The following GMDS variants were observed in gnomAD, a reference collection of about 807,000 sequenced individuals.
GMDS encodes the protein GDP-mannose 4,6-dehydratase.
In GMDS, 20 loss-of-function variants were observed where a neutral mutation model predicts 49.9. The ratio of observed to expected loss-of-function variants is 0.40; its 90% CI spans 0.28 to 0.58. The LOEUF (loss-of-function observed/expected upper bound fraction) is 0.58, where lower values mean the gene tolerates loss of function less well. GMDS is among the 20% of genes least tolerant of loss of function. The pLI is 0.42. For missense variants in GMDS, 362 were observed against 481.4 expected, an observed-to-expected ratio of 0.75 and a Z score of 2.32; for synonymous variants, 177 against 178.6, an observed-to-expected ratio of 0.99 and a Z score of 0.07.
chr6:2,017,108 G>C (rs1225381405), intron 4 of GMDS, among the ~76,000 whole-genome samples: 4 of 152,040 alleles, frequency 2.6e-5, no homozygotes, highest in African/African-American at 9.7e-5. Flanking sequence ...TGAAGCCAAA[G>C]GTAATTTGCT....
At chr6:1,695,204 T>C (rs1019084422) in intron 9 of GMDS, among the ~76,000 whole-genome samples, 1 of 152,190 alleles carries the variant, frequency 6.6e-6, no homozygotes, top group East Asian at 1.9e-4. Flanking sequence ...CTAGGTGACG[T>C]GGAGAATCCT....
intron 7 of GMDS, among the ~76,000 whole-genome samples, chr6:1,786,116 C>T (rs1561804168): frequency 6.6e-6 from 1 of 152,220 alleles, no homozygotes; most frequent in Non-Finnish European, 1.5e-5. Context: ...CGGTGAAGGT[C>T]TTGGAAAGTC....
intron 4 of GMDS, among the ~76,000 whole-genome samples, chr6:2,049,435 T>C (rs1285186450): frequency 1.3e-5 from 2 of 152,214 alleles, no homozygotes; most frequent in African/African-American, 4.8e-5. Context: ...TATAATTAAG[T>C]AGAATATTCT....
chr6:1,760,590 C>T lies in GMDS; in HGVS notation c.772-18004G>A, dbSNP rs1755635802. Among the ~76,000 whole-genome samples the T allele has an allele frequency of 1.3e-5, 2 of 152,166 alleles. 1 individual carries two copies. The highest frequency in any genetic ancestry group is 4.2e-4 in the South Asian group (2 of 4,818). The stretch of plus-strand genomic sequence containing the variant: ...GCCGAGGACCGCCCACCCTTGAGCG[C>T]CTCTAAAGATGGCAGGCTGGGACAT... On this transcript the variant is annotated intron_variant, in intron 7 of 10. Coordinates refer to ENST00000380815, the MANE Select transcript of GMDS (RefSeq NM_001500.4).
intron 9 of GMDS, among the ~76,000 whole-genome samples, chr6:1,694,698 T>C (rs938961933): frequency 6.6e-6 from 1 of 152,250 alleles, no homozygotes; most frequent in Non-Finnish European, 1.5e-5. Flanking sequence ...AATGAGTGTG[T>C]TGGCAGAATG....
intron 1 of GMDS, among the ~76,000 whole-genome samples, chr6:2,141,573 G>A (rs547371229): frequency 3.3e-5 from 5 of 152,246 alleles, no homozygotes; most frequent in Admixed American, 6.5e-5. Flanking sequence ...GAACGCTGAC[G>A]GAGAGTTGGA....
intron 7 of GMDS, among the ~76,000 whole-genome samples, chr6:1,887,171 C>G (rs894271861): frequency 1.3e-5 from 2 of 152,074 alleles, no homozygotes; most frequent in African/African-American, 2.4e-5. Flanking sequence ...TCAATAATAC[C>G]TTTTTGATAA....
intron 4 of GMDS, among the ~76,000 whole-genome samples, chr6:1,999,949 A>ATATT (rs1766580427): frequency 5.5e-5 from 2 of 36,496 alleles, no homozygotes; most frequent in East Asian, 1.1e-3. Context: ...TATAATATAT[A>ATATT]ATATGTATAT....
At chr6:1,641,922 T>C (rs1308778327) in intron 9 of GMDS, among the ~76,000 whole-genome samples, 2 of 152,120 alleles carry the variant, frequency 1.3e-5, no homozygotes, top group East Asian at 3.9e-4. Context: ...ACTTCTTTTG[T>C]CCCAAACAGT....
At chr6:1,694,193 G>T (rs1765263595) in intron 9 of GMDS, among the ~76,000 whole-genome samples, 1 of 152,206 alleles carries the variant, frequency 6.6e-6, no homozygotes, top group Non-Finnish European at 1.5e-5. Flanking sequence ...GCTACGGATT[G>T]TAAGAGGTAC....
intron 9 of GMDS, among the ~76,000 whole-genome samples, chr6:1,697,125 CA>C (rs1561736797): frequency 2.0e-5 from 3 of 152,288 alleles, no homozygotes; most frequent in African/African-American, 7.2e-5. Flanking sequence ...GCCCAAATGC[CA>C]TAAGTGGGCA....
At chr6:1,904,368 TGTGGCC>T (rs1319183736) in intron 7 of GMDS, among the ~76,000 whole-genome samples, 1 of 152,158 alleles carries the variant, frequency 6.6e-6, no homozygotes, top group Non-Finnish European at 1.5e-5. Context: ...GGCTGCTCTG[TGTGGCC>T]GTCTGTCCTT....
At chr6:1,756,519 G>A (rs185070610) in intron 7 of GMDS, among the ~76,000 whole-genome samples, 156 of 152,260 alleles carry the variant, frequency 1.0e-3, no homozygotes, top group Middle Eastern at 3.4e-3. Context: ...TGATCTGCCC[G>A]CCTCGGCCTC....
At chr6:1,826,206 A>C (rs1458165489) in intron 7 of GMDS, among the ~76,000 whole-genome samples, 1 of 152,202 alleles carries the variant, frequency 6.6e-6, no homozygotes, top group Non-Finnish European at 1.5e-5. Context: ...ATTTAAAAAT[A>C]AGGTAATTGT....
intron 7 of GMDS, among the ~76,000 whole-genome samples, chr6:1,809,955 C>T (rs771468475): frequency 2.6e-5 from 4 of 152,142 alleles, no homozygotes; most frequent in Non-Finnish European, 5.9e-5. Flanking sequence ...TATCAAGTGT[C>T]ACAGAGATAA....
At chr6:1,938,966 TC>T (rs1762679185) in intron 6 of GMDS, among the ~76,000 whole-genome samples, 1 of 65,160 alleles carries the variant, frequency 1.5e-5, no homozygotes, top group Non-Finnish European at 3.0e-5. Context: ...TCCCCTCCCC[TC>T]CCCTCCCCTC....
intron 7 of GMDS, among the ~76,000 whole-genome samples, chr6:1,813,233 A>AC (rs1770518214): frequency 6.6e-6 from 1 of 151,200 alleles, no homozygotes; most frequent in African/African-American, 2.4e-5. Flanking sequence ...TAAAAAAAAA[A>AC]AAAAAAAAAA....
At chr6:1,893,616 T>G (rs1385265030) in intron 7 of GMDS, among the ~76,000 whole-genome samples, 1 of 152,354 alleles carries the variant, frequency 6.6e-6, no homozygotes, top group East Asian at 1.9e-4. Flanking sequence ...GTTTTTGCCA[T>G]GCTGAAGTCA....
chr6:2,242,421 G>A (rs1179775699), intron 1 of GMDS, among the ~76,000 whole-genome samples: 1 of 152,176 alleles, frequency 6.6e-6, no homozygotes, highest in African/African-American at 2.4e-5. Flanking sequence ...GTCAAGAACC[G>A]ATGGGAGGGG....
Sources: gnomAD v4.1 joint callset for allele counts (sites outside exome capture counted in the v4.1 genomes callset) on GRCh38, gnomAD v4.1.1 for gene constraint, MANE v1.5 for transcripts, NCBI Gene and HGNC (gene_info 2026-07-23, HGNC 2026-07-21) for gene names.